The following ACSBG2 variants were observed in gnomAD, a reference collection of about 807,000 sequenced individuals.
ACSBG2 encodes the protein long-chain-fatty-acid--CoA ligase ACSBG2.
Under a neutral mutation model 74.7 loss-of-function variants are expected in ACSBG2, and 62 were observed. That is an observed-to-expected ratio of 0.83 (90% CI 0.68 to 1.03). ACSBG2 has a LOEUF of 1.03. ACSBG2 is among the 50% of genes least tolerant of loss of function. The probability of loss-of-function intolerance (pLI) is 0.00; values close to 1 mark genes in which losing one functional copy is unlikely to be tolerated. For synonymous variants in ACSBG2, 309 were observed against 294.1 expected (o/e 1.05, Z -0.52); for missense variants, 730 against 817.6 (o/e 0.89, Z 1.31).
At chr19:6,140,280 TG>T (rs1375316526) in intron 1 of ACSBG2, among the ~76,000 whole-genome samples, 1 of 148,854 alleles carries the variant, frequency 6.7e-6, no homozygotes, top group Non-Finnish European at 1.5e-5. Context: ...GAAGGAGTGG[TG>T]GTACAAACAC....
chr19:6,162,608 T>G (rs2089665001), intron 6 of ACSBG2, among the ~76,000 whole-genome samples: 1 of 150,126 alleles, frequency 6.7e-6, no homozygotes. Flanking sequence ...TTTTAGAGGT[T>G]CAAAGTGACC....
At chr19:6,141,738 C>A (rs2088844909) in intron 2 of ACSBG2, 128 bp downstream of exon 2, 3 of 667,336 alleles carry the variant, frequency 4.5e-6, no homozygotes, top group East Asian at 2.8e-5. Context: ...CCCGACCCCC[C>A]ACCCTTTTGT....
rs1293393575 is a variant in ACSBG2 at position 6,135,688 on chromosome 19, G to A, written c.-253G>A. On this transcript the variant is annotated 5_prime_UTR_variant, in exon 1 of 15. The change creates a new upstream start codon in the 5' untranslated region. Coordinates refer to ENST00000588485, the MANE Select transcript of ACSBG2 (RefSeq NM_030924.5). ...GGTTGAATGGGGTAGAAGGCCTGTT[G>A]TGGAGGGAAACCACCCATCCTCCTG... 6.6e-6 allele frequency: 1 copy of A among 152,364 alleles called. No homozygotes were observed. The highest frequency in any genetic ancestry group is 1.5e-5 in the Non-Finnish European group (1 of 68,164). 9.4% of individuals were successfully genotyped at this position (152,364 alleles called of 1,614,324 possible). A position where few individuals can be genotyped will look rare whatever the true frequency, so the allele number is the denominator to read the frequency against.
intron 7 of ACSBG2, among the ~76,000 whole-genome samples, chr19:6,171,160 T>A (rs1385997540): frequency 6.6e-6 from 1 of 152,134 alleles, no homozygotes; most frequent in Non-Finnish European, 1.5e-5. Context: ...GGGTCTTATT[T>A]ATTATTATTT....
chr19:6,181,653 C>T (rs187428093), intron 8 of ACSBG2, among the ~76,000 whole-genome samples: 210 of 152,178 alleles, frequency 1.4e-3, no homozygotes, highest in African/African-American at 4.6e-3. Flanking sequence ...TTTTCTTCTA[C>T]GTTTTCTTCC....
At chr19:6,171,951 C>A (rs926784430) in intron 7 of ACSBG2, among the ~76,000 whole-genome samples, 11 of 151,946 alleles carry the variant, frequency 7.2e-5, no homozygotes, top group Admixed American at 6.6e-4. Context: ...GTTTGAAAGA[C>A]CATTCTTCAA....
chr19:6,136,160 C>T (rs1037694861), intron 1 of ACSBG2, among the ~76,000 whole-genome samples: 19 of 150,156 alleles, frequency 1.3e-4, no homozygotes, highest in Admixed American at 9.9e-4. Flanking sequence ...GGCGCAATCT[C>T]GGCTCACTGC....
chr19:6,158,874 G>C (rs2089514966), intron 5 of ACSBG2, among the ~76,000 whole-genome samples: 1 of 152,042 alleles, frequency 6.6e-6, no homozygotes, highest in African/African-American at 2.4e-5. Flanking sequence ...TCCTGACTTG[G>C]TTCAGGAAGG....
Position 6,155,723 on chromosome 19 carries a change from G to A in ACSBG2, c.387-708G>A, listed in dbSNP as rs183996162. 1.4e-4 allele frequency among the ~76,000 whole-genome samples: 21 copies of A among 149,868 alleles called. No homozygotes were observed. In the East Asian group the frequency reaches 3.2e-3, roughly 23 times the overall value. The stretch of plus-strand genomic sequence containing the variant: ...GAGAATTGCTTGAATCCAGGAGGTT[G>A]AGGTTGCAGTGAGCTGAGATTGCAC... On this transcript the variant is annotated intron_variant, in intron 4 of 14. Coordinates refer to ENST00000588485, the MANE Select transcript of ACSBG2 (RefSeq NM_030924.5).
At chr19:6,190,878 G>A in intron 14 of ACSBG2, 186 bp downstream of exon 14, 1 of 489,140 alleles carries the variant, frequency 2.0e-6, no homozygotes, top group Non-Finnish European at 3.7e-6. Flanking sequence ...ATTCTGAGTA[G>A]CAGGCTTCAA....
intron 7 of ACSBG2, among the ~76,000 whole-genome samples, chr19:6,171,423 T>A (rs1306800958): frequency 6.6e-6 from 1 of 151,940 alleles, no homozygotes; most frequent in East Asian, 1.9e-4. Flanking sequence ...GATGACAAAT[T>A]CCTTTACATT....
chr19:6,173,259 T>C (rs1196923244), intron 7 of ACSBG2, among the ~76,000 whole-genome samples: 1 of 151,982 alleles, frequency 6.6e-6, no homozygotes, highest in Non-Finnish European at 1.5e-5. Context: ...GGTATGTTTG[T>C]GGGGAATCTG....
At chr19:6,189,448 G>A (rs1365142902) in intron 13 of ACSBG2, among the ~76,000 whole-genome samples, 2 of 152,218 alleles carry the variant, frequency 1.3e-5, no homozygotes, top group African/African-American at 2.4e-5. Context: ...AAGAATCAGA[G>A]CAAGTATGTG....
chr19:6,147,450 T>A lies in ACSBG2; in HGVS notation c.72T>A (p.Thr24=), dbSNP rs774583743. ...LEVDMNKTEV[T]PRLWTTCRDG... is the part of the protein sequence containing the mutation. ...AACTCTGGTGACTATTTGCAGTTAC[T>A]CCCAGGCTGTGGACCACCTGTCGAG... The change falls in exon 3 of 15, where the codon ACT becomes ACA. Residue 24 remains threonine, a synonymous_variant. Transcript: ENST00000588485. 1.2e-6 allele frequency: 2 copies of A among 1,613,922 alleles called. No homozygotes were observed. The highest frequency in any genetic ancestry group is 4.5e-5 in the East Asian group (2 of 44,882).
chr19:6,155,541 G>C (rs1600053388), intron 4 of ACSBG2, among the ~76,000 whole-genome samples: 2 of 152,152 alleles, frequency 1.3e-5, no homozygotes, highest in Non-Finnish European at 2.9e-5. Context: ...TGGAATCCCA[G>C]CACTTTGGGA....
intron 5 of ACSBG2, among the ~76,000 whole-genome samples, chr19:6,156,821 G>A (rs55718357): frequency 6.9e-6 from 1 of 144,552 alleles, no homozygotes; most frequent in Non-Finnish European, 1.5e-5. Context: ...GTCTCACTCT[G>A]TCCCCAGGCT....
rs2090544263 is a variant in ACSBG2, at chr19:6,190,814, C to CACAT, written c.*35+125_*35+126insTACA. The CACAT allele has an allele frequency of 1.6e-5, 5 of 317,544 alleles. No individual in the cohort carries two copies. The Admixed American group carries it at 1.8e-4, about 11-fold the overall frequency. 19.7% of individuals were successfully genotyped at this position (317,544 alleles called of 1,614,324 possible). ...AAACACACACATACACACATACATA[C>CACAT]ACACACACACACACACACACACACA... is the stretch of plus-strand genomic sequence containing the variant. On this transcript the variant is annotated intron_variant, in intron 14 of 14. Transcript: ENST00000588485.
chr19:6,158,339 G>A (rs2089492386), intron 5 of ACSBG2, among the ~76,000 whole-genome samples: 1 of 152,148 alleles, frequency 6.6e-6, no homozygotes, highest in African/African-American at 2.4e-5. Flanking sequence ...TTACAGGCAT[G>A]AGATACTGCA....
chr19:6,145,077 A>G (rs1007062951), intron 2 of ACSBG2, among the ~76,000 whole-genome samples: 2 of 151,988 alleles, frequency 1.3e-5, no homozygotes, highest in East Asian at 1.9e-4. Context: ...AAGCCCATCT[A>G]TGAGGCCCAT....
Sources: gnomAD v4.1 joint callset for allele counts (sites outside exome capture counted in the v4.1 genomes callset) on GRCh38, gnomAD v4.1.1 for gene constraint, MANE v1.5 for transcripts, NCBI Gene and HGNC (gene_info 2026-07-23, HGNC 2026-07-21) for gene names.